The following DUOX1 variants were observed in gnomAD, a reference collection of about 807,000 sequenced individuals.
DUOX1 encodes the protein NADPH thyroid oxidase 1.
Under a neutral mutation model 181.8 loss-of-function variants are expected in DUOX1, and 134 were observed. That is an observed-to-expected ratio of 0.74 (90% CI 0.64 to 0.85). The LOEUF is 0.85. Among genes scored for constraint, DUOX1 ranks in the 40% least tolerant of loss-of-function variants. The probability of loss-of-function intolerance (pLI) is 0.00; values close to 1 mark genes in which losing one functional copy is unlikely to be tolerated. For missense variants in DUOX1, 1,814 were observed against 2,064.4 expected (o/e 0.88, Z 2.35); for synonymous variants, 798 against 832.5 (o/e 0.96, Z 0.71).
At chr15:45,162,117 C>T (rs576018365) in intron 30 of DUOX1, 102 bp from the exon 31 acceptor site, 3 of 1,511,466 alleles carry the variant, frequency 2.0e-6, no homozygotes, top group African/African-American at 1.4e-5. Flanking sequence ...CCTCCTCTTC[C>T]CCTCACTCCA....
chr15:45,155,563 C>A, intron 27 of DUOX1: 1 of 500,024 alleles, frequency 2.0e-6, no homozygotes, highest in Non-Finnish European at 3.4e-6. Flanking sequence ...GAGCAAGACT[C>A]CATCTCAAAA....
At position 45,153,969 on chromosome 15, in the gene DUOX1, G is replaced by T. The variant is rs780058300; in HGVS notation, c.3543G>T (p.Lys1181Asn). The T allele has an allele frequency of 1.6e-5, 26 of 1,613,174 alleles. No homozygotes were observed. Among genetic ancestry groups the T allele is most frequent in the Non-Finnish European group, 2.1e-5 (25 of 1,179,390 alleles). The change falls in exon 27 of 34, where the codon AAG becomes AAT. Residue 1181 changes from lysine to asparagine, a missense_variant. Lys to Asn is a moderately conservative substitution (Grantham distance 94, BLOSUM62 0). This residue lies in a region of DUOX1 where 279 missense variants were observed against 381.9 expected (regional missense o/e 0.73). Coordinates refer to ENST00000389037, the MANE Select transcript of DUOX1 (RefSeq NM_175940.3). The part of the protein sequence containing the change: ...FHDDGSELPQ[K>N]YYWWFFQTVP... ...CACACAGGTCTGAGCTCCCCCAGAA[G>T]TATTACTGGTGGTTCTTCCAGACCG...
intron 1 of DUOX1, 40 bp from the exon 2 acceptor site, chr15:45,131,878 C>T (rs1326813283): frequency 1.4e-6 from 2 of 1,405,832 alleles, no homozygotes; most frequent in African/African-American, 1.4e-5. Context: ...CCTGATTCTT[C>T]TGAGTAGCTG....
At chr15:45,141,111 C>T (rs1190151204) in intron 13 of DUOX1, 41 bp downstream of exon 13, 1 of 1,612,424 alleles carries the variant, frequency 6.2e-7, no homozygotes, top group Non-Finnish European at 8.5e-7. Context: ...CTACCTCGGC[C>T]TGGGCCCCAG....
rs947884919 is a variant in DUOX1 at position 45,135,463 on chromosome 15, G to T, written c.496-11G>T. Reference sequence around the variant, plus strand: ...CCATCGACCCGGGCTCACCCGCCGCGTGCCCCGCAGGCCAACCAGGTGACG... The same window carrying T: ...CCATCGACCCGGGCTCACCCGCCGCTTGCCCCGCAGGCCAACCAGGTGACG... On this transcript the variant is annotated splice_polypyrimidine_tract_variant and intron_variant, in intron 5 of 33. Coordinates refer to ENST00000389037, the MANE Select transcript of DUOX1 (RefSeq NM_175940.3). 22 of 1,547,106 alleles carry T rather than the reference G, an allele frequency of 1.4e-5. No individual in the cohort carries two copies. Among genetic ancestry groups the T allele is most frequent in the Admixed American group, 3.9e-5 (2 of 51,172 alleles).
At chr15:45,131,797 G>C in intron 1 of DUOX1, 121 bp from the exon 2 acceptor site, 1 of 678,762 alleles carries the variant, frequency 1.5e-6, no homozygotes, top group South Asian at 1.8e-5. Context: ...TGAGTCTCTT[G>C]AACTTTGCTA....
chr15:45,139,135 C>T lies in DUOX1; in HGVS notation c.1183C>T (p.Arg395Ter), dbSNP rs141154319. The T allele has an allele frequency of 2.2e-4, 363 of 1,614,148 alleles. 1 individual carries two copies. Among genetic ancestry groups the T allele is most frequent in the Admixed American group, 4.2e-4 (25 of 60,020 alleles). Residue 395 changes from arginine to a stop codon, truncating the protein, a stop_gained, in exon 11 of 34, where the codon CGA becomes TGA. Coordinates refer to ENST00000389037, the MANE Select transcript of DUOX1 (RefSeq NM_175940.3). LOFTEE classifies it high-confidence loss of function. ...GGGCATGGCCTCCCAGATCGCAGAG[C>T]GAGAGGACCATGTGTTGGTTGAAGA... ...LLGMASQIAEREDHVLVEDVR... is the reference protein window; with the variant it reads ...LLGMASQIAE
intron 16 of DUOX1, among the ~76,000 whole-genome samples, chr15:45,143,695 G>A (rs1896568225): frequency 6.8e-6 from 1 of 147,954 alleles, no homozygotes; most frequent in Non-Finnish European, 1.5e-5. Context: ...TTGGGCCTTA[G>A]GCAGATTTTT....
intron 20 of DUOX1, 29 bp from the exon 21 acceptor site, chr15:45,148,243 G>A: frequency 6.2e-7 from 1 of 1,613,312 alleles, no homozygotes; most frequent in South Asian, 1.1e-5. Flanking sequence ...CCCAGTCAGG[G>A]CCGGATGGTT....
In DUOX1 at chr15:45,149,234, G is replaced by A. The variant is rs2467821; in HGVS notation, c.2818+787G>A. Among the ~76,000 whole-genome samples, 36 of 152,106 alleles carry A rather than the reference G, an allele frequency of 2.4e-4. No homozygotes were observed. In the South Asian group the frequency reaches 7.0e-3, roughly 30 times the overall value. On this transcript the variant is annotated intron_variant, in intron 21 of 33. Coordinates refer to ENST00000389037, the MANE Select transcript of DUOX1 (RefSeq NM_175940.3). ...CAGCCTCCACAGGGAAGAGGGGCAA[G>A]TTAGATAAGACACAGATGAGCCTCT...
Position 45,152,468 on chromosome 15 carries a change from G to A in DUOX1, c.3376G>A (p.Ala1126Thr), listed in dbSNP as rs1567017805. Reference protein sequence around the residue: ...FLNRYVPFDAAVDFHRLIAST... With the variant: ...FLNRYVPFDATVDFHRLIAST... ...CAACCGCTACGTGCCCTTCGACGCCGCCGTGGACTTCCATCGCCTCATTGC... is the reference window on the plus strand; with the variant it reads ...CAACCGCTACGTGCCCTTCGACGCCACCGTGGACTTCCATCGCCTCATTGC... The change falls in exon 25 of 34, where the codon GCC (alanine) becomes ACC (threonine). Residue 1126 changes from alanine to threonine, a missense_variant. By Grantham distance (58) the Ala-to-Thr change is moderately conservative (BLOSUM62 0). Around this residue, in one of 5 missense-constraint regions of DUOX1, gnomAD observed 1,064 missense variants for 1,152.9 expected, o/e 0.92. Transcript: ENST00000389037. 1 of 1,614,088 alleles carries A rather than the reference G, an allele frequency of 6.2e-7. No individual in the cohort carries two copies. The highest frequency in any genetic ancestry group is 8.5e-7 in the Non-Finnish European group (1 of 1,180,010).
At chr15:45,156,723 G>A (rs1044860638) in intron 28 of DUOX1, among the ~76,000 whole-genome samples, 1 of 152,096 alleles carries the variant, frequency 6.6e-6, no homozygotes, top group Non-Finnish European at 1.5e-5. Flanking sequence ...GAGCCACCGC[G>A]CCAGGCCAAT....
rs151216542 is a variant in DUOX1 at position 45,143,066 on chromosome 15, T to C, written c.1823-124T>C. The stretch of plus-strand genomic sequence containing the variant: ...CAGGGACCTTCCCAATCTGAAACAA[T>C]TGAGCAAGCTGACCTAGGAGGTGGG... On this transcript the variant is annotated intron_variant, in intron 15 of 33. Transcript: ENST00000389037. 8.5e-4 allele frequency: 601 copies of C among 704,302 alleles called. 5 individuals are homozygous for C. In the African/African-American group the frequency reaches 8.8e-3, roughly 10 times the overall value. The allele number at this position is 704,302 out of a possible 1,614,324, so 43.6% of individuals were successfully genotyped here.
At chr15:45,158,816 C>T (rs1165331215) in intron 28 of DUOX1, among the ~76,000 whole-genome samples, 7 of 150,506 alleles carry the variant, frequency 4.7e-5, no homozygotes, top group Non-Finnish European at 7.4e-5. Flanking sequence ...TAATCTCTTC[C>T]TTAGGAACTT....
In DUOX1 at chr15:45,135,264, A is replaced by G. The variant is rs759489908; in HGVS notation, c.468A>G (p.Gly156=). ...GAAGCCGCTGGGACCCCGAGACCGGACGGAGTCCCAGCAATCCCCGGGACC... is the reference window on the plus strand; with the variant it reads ...GAAGCCGCTGGGACCCCGAGACCGGGCGGAGTCCCAGCAATCCCCGGGACC... ...FQRSRWDPET[G]RSPSNPRDPA... is the part of the protein sequence containing the mutation. Residue 156 remains glycine, a synonymous_variant, in exon 5 of 34, where the codon GGA becomes GGG. Coordinates refer to ENST00000389037, the MANE Select transcript of DUOX1 (RefSeq NM_175940.3). 1 of 1,612,314 alleles carries G rather than the reference A, an allele frequency of 6.2e-7. No homozygotes were observed. The highest frequency in any genetic ancestry group is 1.7e-5 in the Admixed American group (1 of 59,934).
intron 23 of DUOX1, 59 bp downstream of exon 23, chr15:45,151,307 A>G: frequency 6.3e-7 from 1 of 1,585,886 alleles, no homozygotes; most frequent in Non-Finnish European, 8.6e-7. Context: ...GCTTATAAAC[A>G]TCTTTTCCTT....
chr15:45,135,639 C>T lies in DUOX1; in HGVS notation c.661C>T (p.Pro221Ser). 1.3e-6 allele frequency: 2 copies of T among 1,542,594 alleles called. No individual in the cohort carries two copies. The highest frequency in any genetic ancestry group is 1.7e-6 in the Non-Finnish European group (2 of 1,144,458). ...CCTGCTCATGTGGGCGGCGCCCGAC[C>T]CCGCCACCGGGCAGAACGGGCCCCG... ...NPLLMWAAPD[P>S]ATGQNGPRGL... The change falls in exon 6 of 34, where the codon CCC becomes TCC. Residue 221 changes from proline to serine, a missense_variant. Coordinates refer to ENST00000389037, the MANE Select transcript of DUOX1 (RefSeq NM_175940.3).
At chr15:45,159,843 G>T (rs80307556) in intron 28 of DUOX1, among the ~76,000 whole-genome samples, 6,279 of 152,216 alleles carry the variant, frequency 0.041, 467 homozygotes, top group African/African-American at 0.14. Flanking sequence ...CAGTAAACAT[G>T]TAAATGAATG....
Position 45,131,997 on chromosome 15 carries a change from C to G in DUOX1, c.31C>G (p.Leu11Val), listed in dbSNP as rs546041318. Residue 11 changes from leucine to valine, a missense_variant, in exon 2 of 34, where the codon CTT becomes GTT. This residue lies in a region of DUOX1 where 320 missense variants were observed against 313.1 expected (regional missense o/e 1.02). Transcript: ENST00000389037. MGFCLALAWT[L>V]LVGAWTPLGA... ...CTTCTGCCTGGCTCTAGCATGGACA[C>G]TTCTGGTTGGGGCATGGACCCCTCT... 6.2e-7 allele frequency: 1 copy of G among 1,613,592 alleles called. No individual in the cohort carries two copies. The highest frequency in any genetic ancestry group is 1.1e-5 in the South Asian group (1 of 90,974).
Sources: gnomAD v4.1 joint callset for allele counts (sites outside exome capture counted in the v4.1 genomes callset) on GRCh38, gnomAD v4.1.1 for gene constraint, gnomAD v4.1.1 regional missense constraint, MANE v1.5 for transcripts, NCBI Gene and HGNC (gene_info 2026-07-23, HGNC 2026-07-21) for gene names.